The following CSMD1 variants were observed in gnomAD, a reference collection of about 807,000 sequenced individuals.
CSMD1 encodes the protein CUB and sushi domain-containing protein 1.
In CSMD1, 213 loss-of-function variants were observed where a neutral mutation model predicts 417.5. The ratio of observed to expected loss-of-function variants is 0.51; its 90% confidence interval spans 0.46 to 0.57. CSMD1 has a LOEUF of 0.57. Among genes scored for constraint, CSMD1 ranks in the 20% least tolerant of loss-of-function variants. CSMD1 has a pLI of 0.00. For synonymous variants in CSMD1, 2,862 were observed against 1,736.8 expected, an observed-to-expected ratio of 1.65 and a Z score of -16.11; for missense variants, 6,923 against 4,529.7, an observed-to-expected ratio of 1.53 and a Z score of -15.17.
chr8:4,102,289 A>T (rs1801344965), intron 3 of CSMD1, among the ~76,000 whole-genome samples: 1 of 152,210 alleles, frequency 6.6e-6, no homozygotes, highest in Non-Finnish European at 1.5e-5. Flanking sequence ...GGAAGATCAG[A>T]GAAATCATGA....
At chr8:3,597,548 T>C (rs1177159635) in intron 8 of CSMD1, among the ~76,000 whole-genome samples, 1 of 152,162 alleles carries the variant, frequency 6.6e-6, no homozygotes, top group East Asian at 1.9e-4. Context: ...CAATGCAAGG[T>C]ACTGAGGCCA....
intron 3 of CSMD1, among the ~76,000 whole-genome samples, chr8:4,126,334 G>A (rs1039931906): frequency 6.6e-6 from 1 of 152,168 alleles, no homozygotes; most frequent in Non-Finnish European, 1.5e-5. Flanking sequence ...CAGGGGGCAA[G>A]GTGAACCCAC....
At chr8:3,157,788 G>A in intron 39 of CSMD1, 109 bp downstream of exon 39, 1 of 882,840 alleles carries the variant, frequency 1.1e-6, no homozygotes, top group Non-Finnish European at 1.8e-6. Context: ...TATAACACGT[G>A]TTTTGAAATT....
chr8:4,415,123 T>G (rs557595156), intron 3 of CSMD1, among the ~76,000 whole-genome samples: 52 of 152,180 alleles, frequency 3.4e-4, no homozygotes, highest in Non-Finnish European at 5.3e-4. Context: ...TGAAATAACG[T>G]AAACTCAATT....
intron 12 of CSMD1, among the ~76,000 whole-genome samples, chr8:3,431,409 A>C (rs999451970): frequency 3.3e-5 from 5 of 152,030 alleles, no homozygotes; most frequent in Non-Finnish European, 5.9e-5. Context: ...CCGCTTTTGT[A>C]TTCCCAGTTT....
At chr8:4,368,344 A>T (rs1219184527) in intron 3 of CSMD1, among the ~76,000 whole-genome samples, 1 of 152,066 alleles carries the variant, frequency 6.6e-6, no homozygotes, top group Non-Finnish European at 1.5e-5. Flanking sequence ...AGCCTACTTT[A>T]TTGTGGTGAA....
chr8:4,103,230 T>C (rs1378148955), intron 3 of CSMD1, among the ~76,000 whole-genome samples: 4 of 146,616 alleles, frequency 2.7e-5, no homozygotes, highest in African/African-American at 1.0e-4. Flanking sequence ...ATTATATACA[T>C]ATAAATCTAT....
intron 12 of CSMD1, among the ~76,000 whole-genome samples, chr8:3,411,367 CTTTA>C (rs1361124768): frequency 8.4e-6 from 1 of 119,386 alleles, no homozygotes; most frequent in Non-Finnish European, 1.8e-5. Flanking sequence ...CTTTCCTTTT[CTTTA>C]TTTCCATAGG....
At chr8:4,090,644 TAAGTA>T (rs1800668643) in intron 3 of CSMD1, among the ~76,000 whole-genome samples, 1 of 152,296 alleles carries the variant, frequency 6.6e-6, no homozygotes, top group Admixed American at 6.5e-5. Context: ...TCCCTGAACT[TAAGTA>T]ATTTAAGTGA....
chr8:4,287,425 C>G (rs1368186538), intron 3 of CSMD1, among the ~76,000 whole-genome samples: 1 of 152,128 alleles, frequency 6.6e-6, no homozygotes, highest in Non-Finnish European at 1.5e-5. Context: ...TTCTTTCTAA[C>G]TACCCTTTCT....
At chr8:4,448,848 C>T (rs1282889515) in intron 2 of CSMD1, among the ~76,000 whole-genome samples, 1 of 152,146 alleles carries the variant, frequency 6.6e-6, no homozygotes, top group Non-Finnish European at 1.5e-5. Flanking sequence ...TCTCTATCTT[C>T]TTTCTGATGT....
chr8:3,878,551 T>C (rs1007318602), intron 5 of CSMD1, among the ~76,000 whole-genome samples: 1 of 152,170 alleles, frequency 6.6e-6, no homozygotes, highest in Non-Finnish European at 1.5e-5. Flanking sequence ...ATTATATAGA[T>C]AGGAAGTATA....
intron 3 of CSMD1, among the ~76,000 whole-genome samples, chr8:4,148,881 C>T (rs1274719104): frequency 6.6e-6 from 1 of 152,192 alleles, no homozygotes; most frequent in Non-Finnish European, 1.5e-5. Context: ...GAGACACAGC[C>T]TGCATTCCAT....
intron 3 of CSMD1, among the ~76,000 whole-genome samples, chr8:4,120,625 A>G (rs1007167285): frequency 2.6e-5 from 4 of 152,192 alleles, no homozygotes; most frequent in African/African-American, 9.6e-5. Context: ...CAGTCTGTGT[A>G]CCTGCCACTG....
intron 7 of CSMD1, among the ~76,000 whole-genome samples, chr8:3,707,462 G>C (rs963182725): frequency 3.9e-5 from 6 of 152,184 alleles, no homozygotes; most frequent in African/African-American, 9.7e-5. Flanking sequence ...GGGAAGCATA[G>C]AAAACACAAC....
intron 3 of CSMD1, among the ~76,000 whole-genome samples, chr8:4,121,485 C>T (rs929765137): frequency 4.6e-5 from 7 of 152,222 alleles, no homozygotes; most frequent in African/African-American, 9.6e-5. Flanking sequence ...AGTTACTTTC[C>T]TATTTCTCAC....
intron 1 of CSMD1, among the ~76,000 whole-genome samples, chr8:4,906,046 T>C (rs892334507): frequency 1.3e-5 from 2 of 151,986 alleles, no homozygotes; most frequent in African/African-American, 4.8e-5. Context: ...TTAAAAAATA[T>C]ACTGTAAGAA....
intron 7 of CSMD1, among the ~76,000 whole-genome samples, chr8:3,619,934 T>A (rs1432870391): frequency 1.3e-5 from 2 of 152,062 alleles, no homozygotes; most frequent in Admixed American, 1.3e-4. Context: ...AAACCCCATT[T>A]CTACTAAAAA....
intron 3 of CSMD1, among the ~76,000 whole-genome samples, chr8:4,166,602 C>T (rs765502955): frequency 3.3e-5 from 5 of 152,096 alleles, no homozygotes; most frequent in East Asian, 1.9e-4. Flanking sequence ...TGGGGACTCA[C>T]GGTGAACTGT....
Sources: gnomAD v4.1 joint callset for allele counts (sites outside exome capture counted in the v4.1 genomes callset) on GRCh38, gnomAD v4.1.1 for gene constraint, MANE v1.5 for transcripts, NCBI Gene and HGNC (gene_info 2026-07-23, HGNC 2026-07-21) for gene names.